The following RANBP2 variants were observed in gnomAD, a reference collection of about 807,000 sequenced individuals.
RANBP2 encodes the protein RAN binding protein 2.
RANBP2 carries 57 observed loss-of-function variants against 303.6 expected under a neutral mutation model. That is an observed-to-expected ratio of 0.19 (90% CI 0.15 to 0.23). The LOEUF (loss-of-function observed/expected upper bound fraction) is 0.23. RANBP2 is among the 10% of genes least tolerant of loss of function. RANBP2 has a pLI of 1.00. For synonymous variants in RANBP2, 1,167 were observed against 1,301.5 expected, an observed-to-expected ratio of 0.90 and a Z score of 2.23; for missense variants, 3,138 against 3,780.8, an observed-to-expected ratio of 0.83 and a Z score of 4.46.
the RANBP2 span, among the ~76,000 whole-genome samples, chr2:109,468,855 G>GAAA: frequency 0.014 from 927 of 64,816 alleles, 27 homozygotes; most frequent in African/African-American, 0.047. Context: ...CTCTGTCTCA[G>GAAA]AAAAAAAAAA....
At chr2:109,051,475 A>G in the RANBP2 span, among the ~76,000 whole-genome samples, 2 of 152,202 alleles carry the variant, frequency 1.3e-5, no homozygotes, top group Non-Finnish European at 2.9e-5. Context: ...CCATACTCAC[A>G]TGCAAGCGGT....
chr2:109,043,856 G>A, the RANBP2 span, among the ~76,000 whole-genome samples: 1 of 152,152 alleles, frequency 6.6e-6, no homozygotes, highest in Admixed American at 6.5e-5. Flanking sequence ...TTGGAAAGAT[G>A]GAAATAATTT....
intron 18 of RANBP2, among the ~76,000 whole-genome samples, chr2:108,759,666 T>C (rs1227699597): frequency 1.3e-5 from 2 of 151,876 alleles, no homozygotes; most frequent in Non-Finnish European, 2.9e-5. Flanking sequence ...TTAAATGTCA[T>C]AAGTCATAGA....
chr2:109,398,579 T>C, the RANBP2 span: 2 of 1,542,004 alleles, frequency 1.3e-6, no homozygotes, highest in East Asian at 2.4e-5. Flanking sequence ...CCTCTCCCCT[T>C]TCTCACTCAG....
At chr2:109,636,966 C>T in the RANBP2 span, among the ~76,000 whole-genome samples, 2 of 152,168 alleles carry the variant, frequency 1.3e-5, no homozygotes, top group East Asian at 3.9e-4. Context: ...GACCAGCGCT[C>T]AGCATACCAA....
the RANBP2 span, among the ~76,000 whole-genome samples, chr2:108,964,754 CA>C: frequency 6.6e-6 from 1 of 152,330 alleles, no homozygotes; most frequent in East Asian, 1.9e-4. Context: ...CACTAAGTGA[CA>C]GCAGGCAGCA....
At chr2:109,459,513 A>T in the RANBP2 span, among the ~76,000 whole-genome samples, 2 of 152,054 alleles carry the variant, frequency 1.3e-5, no homozygotes, top group Non-Finnish European at 2.9e-5. Flanking sequence ...GTCACGGGGC[A>T]TTGTGATTGA....
chr2:109,089,601 G>A, the RANBP2 span, among the ~76,000 whole-genome samples: 2 of 152,144 alleles, frequency 1.3e-5, no homozygotes, highest in Non-Finnish European at 2.9e-5. Flanking sequence ...GCAAGACCTT[G>A]TCTCTAAAAG....
chr2:108,805,356 T>C, the RANBP2 span, among the ~76,000 whole-genome samples: 3 of 152,196 alleles, frequency 2.0e-5, no homozygotes, highest in African/African-American at 7.2e-5. Flanking sequence ...CTAGGCATCA[T>C]GCTAGACTCA....
the RANBP2 span, among the ~76,000 whole-genome samples, chr2:109,361,705 A>G: frequency 1.3e-5 from 2 of 152,086 alleles, no homozygotes; most frequent in Non-Finnish European, 2.9e-5. Flanking sequence ...TGAACTCCTG[A>G]CTTCAAATAA....
chr2:109,700,813 T>A, the RANBP2 span, among the ~76,000 whole-genome samples: 1 of 151,974 alleles, frequency 6.6e-6, no homozygotes, highest in Non-Finnish European at 1.5e-5. Flanking sequence ...AAGGAAAGAC[T>A]CAACAGATCC....
chr2:109,774,505 T>TATATATATATATAAAATATATAAA, the RANBP2 span, among the ~76,000 whole-genome samples: 1 of 32,092 alleles, frequency 3.1e-5, no homozygotes, highest in East Asian at 1.1e-3. Flanking sequence ...CAAACATATA[T>TATATATATATATAAAATATATAAA]ATATATATAA....
the RANBP2 span, among the ~76,000 whole-genome samples, chr2:109,456,207 G>A: frequency 1.3e-5 from 2 of 152,218 alleles, no homozygotes; most frequent in Admixed American, 6.5e-5. Flanking sequence ...AGCTCTGCTG[G>A]TTAGTGGCAC....
At chr2:108,911,345 G>C in the RANBP2 span, among the ~76,000 whole-genome samples, 1 of 152,158 alleles carries the variant, frequency 6.6e-6, no homozygotes, top group Non-Finnish European at 1.5e-5. Flanking sequence ...GTTTGCTCTT[G>C]CTTCTACTGC....
chr2:109,500,785 C>A, the RANBP2 span, among the ~76,000 whole-genome samples: 1 of 151,118 alleles, frequency 6.6e-6, no homozygotes, highest in African/African-American at 2.4e-5. Context: ...CCCATCTCTA[C>A]AAAAAAAAAT....
chr2:109,103,399 A>G, the RANBP2 span, among the ~76,000 whole-genome samples: 1 of 152,198 alleles, frequency 6.6e-6, no homozygotes, highest in Non-Finnish European at 1.5e-5. Context: ...TATAAAACCA[A>G]GCTATAACCC....
At chr2:109,238,452 TG>T in the RANBP2 span, among the ~76,000 whole-genome samples, 7 of 952 alleles carry the variant, frequency 7.4e-3, no homozygotes, top group East Asian at 0.27. Flanking sequence ...TGTATATTTG[TG>T]TGTGTGTGTG....
At chr2:109,429,542 T>C in the RANBP2 span, among the ~76,000 whole-genome samples, 139 of 152,238 alleles carry the variant, frequency 9.1e-4, no homozygotes, top group Non-Finnish European at 1.4e-3. Context: ...ACCGGGCCTG[T>C]GCTTGGAGTG....
the RANBP2 span, among the ~76,000 whole-genome samples, chr2:108,886,030 T>G: frequency 6.6e-6 from 1 of 152,220 alleles, no homozygotes. Context: ...CTTAGTTTGA[T>G]TCCATATCTT....
Sources: gnomAD v4.1 joint callset for allele counts (sites outside exome capture counted in the v4.1 genomes callset) on GRCh38, gnomAD v4.1.1 for gene constraint, MANE v1.5 for transcripts, NCBI Gene and HGNC (gene_info 2026-07-23, HGNC 2026-07-21) for gene names.